RTN4RL1: variants seen among roughly 807,000 people sequenced by gnomAD.
RTN4RL1 encodes the protein reticulon-4 receptor-like 1.
In RTN4RL1, 7 loss-of-function variants were observed where a neutral mutation model predicts 25.6. The ratio of observed to expected loss-of-function variants is 0.27; its 90% CI spans 0.16 to 0.51. The LOEUF (loss-of-function observed/expected upper bound fraction) is 0.51, where lower values mean the gene tolerates loss of function less well. RTN4RL1 is among the 20% of genes least tolerant of loss of function. The pLI is 0.97. For synonymous variants in RTN4RL1, 297 were observed against 288.2 expected, an observed-to-expected ratio of 1.03 and a Z score of -0.31; for missense variants, 500 against 615.6, an observed-to-expected ratio of 0.81 and a Z score of 1.99.
At chr17:1,965,418 GCTTTT>G (rs2066786381) in intron 1 of RTN4RL1, among the ~76,000 whole-genome samples, 1 of 152,146 alleles carries the variant, frequency 6.6e-6, no homozygotes, top group Non-Finnish European at 1.5e-5. Context: ...AGTCCAGTTT[GCTTTT>G]CTAATATGGC....
At position 1,935,512 on chromosome 17, in the gene RTN4RL1, C is replaced by T. The variant is rs1915276865; in HGVS notation, c.*984G>A. On this transcript the variant is annotated 3_prime_UTR_variant, in exon 2 of 2. Transcript: ENST00000331238. ...CCTCACCGTCCCGCCGACACCTTGC[C>T]CCAGGCCCTTGGCAAGGCCAGGTCC... 2.0e-6 allele frequency: 2 copies of T among 984,924 alleles called. No homozygotes were observed. 61.0% of individuals were successfully genotyped at this position (984,924 alleles called of 1,614,324 possible). A position where few individuals can be genotyped will look rare whatever the true frequency, so the allele number is the denominator to read the frequency against.
intron 1 of RTN4RL1, among the ~76,000 whole-genome samples, chr17:1,956,344 G>A (rs1373708993): frequency 2.0e-5 from 3 of 152,080 alleles, no homozygotes; most frequent in Admixed American, 6.6e-5. Flanking sequence ...TCCCTCATCA[G>A]TGGGGGTGTG....
chr17:1,947,614 C>T (rs796770941), intron 1 of RTN4RL1, among the ~76,000 whole-genome samples: 166 of 127,178 alleles, frequency 1.3e-3, no homozygotes, highest in African/African-American at 5.2e-3. Flanking sequence ...TTTCATCTGC[C>T]TCGCTGGGCC....
At chr17:2,023,747 T>C (rs2067240759) in intron 1 of RTN4RL1, 1 of 130,158 alleles carries the variant, frequency 7.7e-6, no homozygotes, top group East Asian at 2.6e-4. Flanking sequence ...GAGGTCAGAA[T>C]CCTGTGCTTA....
chr17:2,004,919 C>T (rs4473232), intron 1 of RTN4RL1, among the ~76,000 whole-genome samples: 42,404 of 152,172 alleles, frequency 0.28, 6,894 homozygotes, highest in East Asian at 0.55. Context: ...AAGTTACCAC[C>T]GCTGCTAGCA....
Position 1,936,853 on chromosome 17 carries a change from C to A in RTN4RL1, c.969G>T (p.Arg323Ser), listed in dbSNP as rs749616876. The change falls in exon 2 of 2, where the codon AGG (arginine) becomes AGT (serine). Residue 323 changes from arginine to serine, a missense_variant. By Grantham distance (110) the Arg-to-Ser change is moderately radical. Transcript: ENST00000331238. The part of the protein sequence containing the change: ...IKSHTLTTTD[R>S]AARKEHHSPH... ...GTGAGTGGTGTTCCTTGCGGGCGGC[C>A]CTGTCGGTGGTGGTGAGCGTGTGTG... 1 of 1,588,758 alleles carries A rather than the reference C, an allele frequency of 6.3e-7. No individual in the cohort carries two copies. The highest frequency in any genetic ancestry group is 1.8e-5 in the Admixed American group (1 of 56,312).
chr17:1,990,216 G>T (rs1268877770), intron 1 of RTN4RL1, among the ~76,000 whole-genome samples: 9 of 152,038 alleles, frequency 5.9e-5, no homozygotes, highest in African/African-American at 2.2e-4. Context: ...AAAATTAGCC[G>T]GGCATGGTGG....
intron 1 of RTN4RL1, among the ~76,000 whole-genome samples, chr17:1,949,619 G>T (rs572712698): frequency 1.3e-4 from 20 of 152,128 alleles, no homozygotes; most frequent in African/African-American, 4.8e-4. Flanking sequence ...TCCATCACCC[G>T]GTTCTGAATC....
intron 1 of RTN4RL1, 56 bp from the exon 2 acceptor site, chr17:1,937,864 C>CCGCACCCTCCGGCGCCCGCCGAGGA (rs1469646436): frequency 1.0e-5 from 14 of 1,359,376 alleles, no homozygotes; most frequent in Non-Finnish European, 1.4e-5. Flanking sequence ...AGGACTGGCA[C>CCGCACCCTCCGGCGCCCGCCGAGGA]CGCACCCTCC....
intron 1 of RTN4RL1, among the ~76,000 whole-genome samples, chr17:1,948,678 G>T (rs1005383705): frequency 4.4e-4 from 67 of 152,086 alleles, no homozygotes; most frequent in African/African-American, 1.6e-3. Flanking sequence ...GTGGGGCAGG[G>T]GTTACCTCCG....
intron 1 of RTN4RL1, among the ~76,000 whole-genome samples, chr17:1,961,695 A>G (rs1176160798): frequency 6.8e-6 from 1 of 148,138 alleles, no homozygotes; most frequent in Non-Finnish European, 1.5e-5. Context: ...TGGGAGGCCG[A>G]TGCGGGCAGA....
At position 2,025,175 on chromosome 17, in the gene RTN4RL1, C is replaced by T. The variant is rs1014293034; in HGVS notation, c.-310G>A. On this transcript the variant is annotated 5_prime_UTR_variant, in exon 1 of 2. Transcript: ENST00000331238. The surrounding 1 kb of genome is among the most constrained non-coding windows in gnomAD (Gnocchi z 4.8). ...TCTGCCACCCGGAGCACTTCGCAGGCGGTTTTGAGGGGGGACGCCGCCCCC... is the reference window on the plus strand; with the variant it reads ...TCTGCCACCCGGAGCACTTCGCAGGTGGTTTTGAGGGGGGACGCCGCCCCC... 7 of 262,538 alleles carry T rather than the reference C, an allele frequency of 2.7e-5. No homozygotes were observed. Among genetic ancestry groups the T allele is most frequent in the Non-Finnish European group, 5.0e-5 (7 of 138,874 alleles). The allele number at this position is 262,538 out of a possible 1,614,324, so 16.3% of individuals were successfully genotyped here. A position where few individuals can be genotyped will look rare whatever the true frequency, so the allele number is the denominator to read the frequency against.
At chr17:1,984,891 C>A (rs971944182) in intron 1 of RTN4RL1, among the ~76,000 whole-genome samples, 5 of 152,040 alleles carry the variant, frequency 3.3e-5, no homozygotes, top group African/African-American at 9.6e-5. Flanking sequence ...CGCTTGAACC[C>A]AGAAGGCGGA....
At chr17:1,989,265 G>A (rs2066899760) in intron 1 of RTN4RL1, among the ~76,000 whole-genome samples, 1 of 152,094 alleles carries the variant, frequency 6.6e-6, no homozygotes. Flanking sequence ...CTCAGTGGGT[G>A]CTCAGCACAC....
At chr17:2,005,948 C>T (rs956884363) in intron 1 of RTN4RL1, among the ~76,000 whole-genome samples, 11 of 151,284 alleles carry the variant, frequency 7.3e-5, no homozygotes, top group Admixed American at 2.0e-4. Flanking sequence ...CGGTGCATGC[C>T]GCCACGCCCG....
chr17:1,984,279 G>A (rs2066879157), intron 1 of RTN4RL1, among the ~76,000 whole-genome samples: 1 of 152,248 alleles, frequency 6.6e-6, no homozygotes, highest in Non-Finnish European at 1.5e-5. Flanking sequence ...GCCGAGTCAA[G>A]GCCGCTGCTC....
chr17:2,000,192 C>T (rs1479384564), intron 1 of RTN4RL1, among the ~76,000 whole-genome samples: 1 of 152,212 alleles, frequency 6.6e-6, no homozygotes. Context: ...CTACCCAGCC[C>T]GGCCAGGCCT....
intron 1 of RTN4RL1, among the ~76,000 whole-genome samples, chr17:2,000,176 G>T (rs73976166): frequency 0.024 from 3,709 of 152,350 alleles, 139 homozygotes; most frequent in African/African-American, 0.082. Context: ...GCTGCCCCAG[G>T]TGTCCCTACC....
chr17:1,982,579 A>C (rs2066871945), intron 1 of RTN4RL1, among the ~76,000 whole-genome samples: 1 of 152,088 alleles, frequency 6.6e-6, no homozygotes, highest in South Asian at 2.1e-4. Flanking sequence ...GCGCCACTGC[A>C]CTCCAGCCTG....
Sources: gnomAD v4.1 joint callset for allele counts (sites outside exome capture counted in the v4.1 genomes callset) on GRCh38, gnomAD v4.1.1 for gene constraint, Gnocchi (gnomAD v3.1) non-coding constraint, MANE v1.5 for transcripts, NCBI Gene and HGNC (gene_info 2026-07-23, HGNC 2026-07-21) for gene names.